Variants in GRM7 observed in about 807,000 individuals in gnomAD.
GRM7 encodes metabotropic glutamate receptor 7.
A neutral mutation model predicts 84.5 loss-of-function variants in GRM7; 35 were observed. That is an observed-to-expected ratio of 0.41 (90% CI 0.32 to 0.55). The LOEUF is 0.55. GRM7 is among the 20% of genes least tolerant of loss of function. GRM7 has a pLI of 0.19. For synonymous variants in GRM7, 487 were observed against 455.1 expected, an observed-to-expected ratio of 1.07 and a Z score of -0.89; for missense variants, 1,003 against 1,194.6, an observed-to-expected ratio of 0.84 and a Z score of 2.36.
intron 2 of GRM7, among the ~76,000 whole-genome samples, chr3:7,153,384 T>A (rs1694348960): frequency 2.0e-5 from 3 of 152,074 alleles, no homozygotes; most frequent in Admixed American, 1.3e-4. Flanking sequence ...TGGACTTTGT[T>A]GTATTTCATT....
At chr3:6,950,987 T>C (rs1692731636) in intron 1 of GRM7, among the ~76,000 whole-genome samples, 1 of 152,210 alleles carries the variant, frequency 6.6e-6, no homozygotes, top group Non-Finnish European at 1.5e-5. Context: ...GGGAATTCCC[T>C]GACCCCTTGC....
chr3:7,562,164 G>A lies in GRM7; in HGVS notation c.1516-16258G>A, dbSNP rs372358213. Among the ~76,000 whole-genome samples the A allele has an allele frequency of 3.9e-5, 6 of 152,168 alleles. No homozygotes were observed. The East Asian group carries it at 7.7e-4, about 20-fold the overall frequency. ...TTAACCCATTGCCCTGTAAGACAGA[G>A]GTTGACTTTTTAGTTTTTCTTGCCA... On this transcript the variant is annotated intron_variant, in intron 7 of 9. Transcript: ENST00000357716.
At chr3:7,470,872 A>C (rs1223341607) in intron 7 of GRM7, among the ~76,000 whole-genome samples, 1 of 152,108 alleles carries the variant, frequency 6.6e-6, no homozygotes, top group Non-Finnish European at 1.5e-5. Flanking sequence ...AAGCCAAAAA[A>C]TTCTAGAATG....
intron 5 of GRM7, among the ~76,000 whole-genome samples, chr3:7,445,542 A>G (rs1036203348): frequency 1.3e-5 from 2 of 152,142 alleles, no homozygotes; most frequent in African/African-American, 4.8e-5. Flanking sequence ...GGAGTCGCTC[A>G]TCACATTCAA....
At chr3:7,510,035 A>C (rs1231966556) in intron 7 of GRM7, among the ~76,000 whole-genome samples, 1 of 152,204 alleles carries the variant, frequency 6.6e-6, no homozygotes, top group Non-Finnish European at 1.5e-5. Context: ...CCTTAAACCA[A>C]GTGCATCATG....
At chr3:7,478,834 C>G (rs185663794) in intron 7 of GRM7, among the ~76,000 whole-genome samples, 2 of 152,296 alleles carry the variant, frequency 1.3e-5, no homozygotes, top group Non-Finnish European at 2.9e-5. Flanking sequence ...ATGCAGTCAC[C>G]TGCACATCTT....
intron 1 of GRM7, among the ~76,000 whole-genome samples, chr3:6,894,685 T>G (rs750548744): frequency 1.3e-5 from 2 of 152,108 alleles, no homozygotes; most frequent in Admixed American, 1.3e-4. Flanking sequence ...GTGGGGAAGA[T>G]AGGATGTAAA....
intron 7 of GRM7, among the ~76,000 whole-genome samples, chr3:7,566,293 C>T (rs180839016): frequency 6.6e-6 from 1 of 152,172 alleles, no homozygotes; most frequent in East Asian, 1.9e-4. Context: ...AGGCAACGGA[C>T]AGGTTTTGAC....
intron 1 of GRM7, among the ~76,000 whole-genome samples, chr3:7,012,481 C>T (rs186815048): frequency 5.3e-5 from 8 of 152,180 alleles, no homozygotes; most frequent in African/African-American, 1.9e-4. Context: ...CCCTCATTGA[C>T]ATATTTAATA....
intron 1 of GRM7, among the ~76,000 whole-genome samples, chr3:6,897,100 T>C (rs1161454552): frequency 6.6e-6 from 1 of 152,222 alleles, no homozygotes; most frequent in Non-Finnish European, 1.5e-5. Context: ...TTACATTTTA[T>C]TGCCAACATA....
At chr3:6,978,116 T>C (rs1694067083) in intron 1 of GRM7, among the ~76,000 whole-genome samples, 2 of 152,098 alleles carry the variant, frequency 1.3e-5, no homozygotes, top group Admixed American at 1.3e-4. Flanking sequence ...ATAGTTTATA[T>C]GGATGGACTC....
chr3:6,861,770 CAGA>C lies in GRM7; in HGVS notation c.385_387del (p.Lys129del). ...GCTTACTTTCGTCCAGGCGCTCATC[CAGA>C]AGGACACCTCCGACGTGCGCTGCAC... On this transcript the variant is annotated inframe_deletion, in exon 1 of 10. Coordinates refer to ENST00000357716, the MANE Select transcript of GRM7 (RefSeq NM_000844.4). The surrounding 1 kb of genome is among the most constrained non-coding windows in gnomAD (Gnocchi z 6.4). The C allele has an allele frequency of 6.2e-7, 1 of 1,614,218 alleles. No individual in the cohort carries two copies. Among genetic ancestry groups the C allele is most frequent in the South Asian group, 1.1e-5 (1 of 91,086 alleles).
At chr3:7,093,581 G>T (rs1389479918) in intron 1 of GRM7, among the ~76,000 whole-genome samples, 1 of 148,002 alleles carries the variant, frequency 6.8e-6, no homozygotes, top group African/African-American at 2.5e-5. Context: ...GGGGGCTGAG[G>T]GAGAAGAATT....
intron 7 of GRM7, among the ~76,000 whole-genome samples, chr3:7,567,953 G>T (rs773486391): frequency 2.6e-5 from 4 of 151,910 alleles, no homozygotes; most frequent in Non-Finnish European, 5.9e-5. Context: ...ATCTAGCAGG[G>T]TGTCCCAGTT....
intron 2 of GRM7, among the ~76,000 whole-genome samples, chr3:7,158,485 C>T (rs1176594973): frequency 4.6e-5 from 7 of 152,034 alleles, no homozygotes; most frequent in Non-Finnish European, 7.4e-5. Context: ...AGTATGTCCC[C>T]GTCTCCCCAC....
intron 5 of GRM7, among the ~76,000 whole-genome samples, chr3:7,431,060 G>A (rs996269477): frequency 3.9e-5 from 6 of 151,992 alleles, no homozygotes; most frequent in African/African-American, 9.7e-5. Context: ...GCTTGTTGCC[G>A]TGCTTGGCTC....
chr3:7,613,773 A>T (rs1362720027), intron 8 of GRM7, among the ~76,000 whole-genome samples: 1 of 152,182 alleles, frequency 6.6e-6, no homozygotes, highest in African/African-American at 2.4e-5. Context: ...AATTTCTGAC[A>T]TCAAGACCTC....
chr3:6,981,644 C>A (rs1195808539), intron 1 of GRM7, among the ~76,000 whole-genome samples: 4 of 152,148 alleles, frequency 2.6e-5, no homozygotes, highest in African/African-American at 9.7e-5. Flanking sequence ...CCGAGTCTGA[C>A]TTTTCCAGCT....
chr3:7,693,722 G>C, intron 9 of GRM7: 6 of 1,377,598 alleles, frequency 4.4e-6, no homozygotes, highest in Non-Finnish European at 5.0e-6. Flanking sequence ...AGTGTCCTAA[G>C]GAAGCTTTGC....
Sources: gnomAD v4.1 joint callset for allele counts (sites outside exome capture counted in the v4.1 genomes callset) on GRCh38, gnomAD v4.1.1 for gene constraint, Gnocchi (gnomAD v3.1) non-coding constraint, MANE v1.5 for transcripts, NCBI Gene and HGNC (gene_info 2026-07-23, HGNC 2026-07-21) for gene names.